DCP1A: variants seen among roughly 807,000 people sequenced by gnomAD.
DCP1A encodes the protein mRNA-decapping enzyme 1A.
A neutral mutation model predicts 58.0 loss-of-function variants in DCP1A; 20 were observed. The ratio of observed to expected loss-of-function variants is 0.34; its 90% CI spans 0.24 to 0.50. The LOEUF (loss-of-function observed/expected upper bound fraction) is 0.50, where lower values mean the gene tolerates loss of function less well. Among genes scored for constraint, DCP1A ranks in the 20% least tolerant of loss-of-function variants. The pLI, the probability that DCP1A is intolerant of heterozygous loss-of-function variation, is 0.98. For synonymous variants in DCP1A, 285 were observed against 275.1 expected (o/e 1.04, Z -0.36); for missense variants, 613 against 712.2 (o/e 0.86, Z 1.59).
chr3:53,308,219 G>GA (rs1245572967), intron 5 of DCP1A, among the ~76,000 whole-genome samples: 1 of 151,684 alleles, frequency 6.6e-6, no homozygotes, highest in African/African-American at 2.4e-5. Context: ...TTTAAAAAAA[G>GA]AAAAAACTTT....
chr3:53,315,684 C>T (rs1021868383), intron 4 of DCP1A, among the ~76,000 whole-genome samples: 1 of 150,692 alleles, frequency 6.6e-6, no homozygotes, highest in Admixed American at 6.6e-5. Context: ...TAGAAGCTCA[C>T]TCATTTTCCT....
chr3:53,319,477 G>A lies in DCP1A; in HGVS notation c.305-4C>T, dbSNP rs1553689666. On this transcript the variant is annotated splice_polypyrimidine_tract_variant and splice_region_variant and intron_variant, in intron 3 of 9. Transcript: ENST00000610213. ...AACCAGATACTATATATCGACACTTGAAAAACAAAGGGAAAAAAAGATAAG... is the reference window on the plus strand; with the variant it reads ...AACCAGATACTATATATCGACACTTAAAAAACAAAGGGAAAAAAAGATAAG... 1 of 1,538,914 alleles carries A rather than the reference G, an allele frequency of 6.5e-7. No homozygotes were observed. Among genetic ancestry groups the A allele is most frequent in the Admixed American group, 2.0e-5 (1 of 51,034 alleles).
chr3:53,334,392 G>A (rs1553691672), intron 3 of DCP1A, among the ~76,000 whole-genome samples: 1 of 152,112 alleles, frequency 6.6e-6, no homozygotes, highest in African/African-American at 2.4e-5. Context: ...GTTCTAAATT[G>A]ATTGATTTCT....
rs139259878 is a variant in DCP1A at position 53,301,121 on chromosome 3, C to T, written c.624+3056G>A. ...CCACTGCACACTCCTGGATGATGATCCTAAATCCAGATACAGTAAAAATGG... is the reference window on the plus strand; with the variant it reads ...CCACTGCACACTCCTGGATGATGATTCTAAATCCAGATACAGTAAAAATGG... On this transcript the variant is annotated intron_variant, in intron 6 of 9. Transcript: ENST00000610213. Among the ~76,000 whole-genome samples, 8 of 152,102 alleles carry T rather than the reference C, an allele frequency of 5.3e-5. No individual in the cohort carries two copies. In the East Asian group the frequency reaches 1.5e-3, roughly 29 times the overall value.
intron 2 of DCP1A, 33 bp from the exon 3 acceptor site, chr3:53,342,304 G>T: frequency 6.8e-7 from 1 of 1,480,170 alleles, no homozygotes; most frequent in Non-Finnish European, 9.3e-7. Context: ...AAAATATGTA[G>T]TTACCATTTA....
Position 53,290,882 on chromosome 3 carries a change from G to A in DCP1A, c.1384-26C>T, listed in dbSNP as rs781870558. 1.1e-5 allele frequency: 18 copies of A among 1,585,934 alleles called. No homozygotes were observed. In the African/African-American group the frequency reaches 2.3e-4, roughly 20 times the overall value. On this transcript the variant is annotated intron_variant, in intron 7 of 9. Coordinates refer to ENST00000610213, the MANE Select transcript of DCP1A (RefSeq NM_018403.7). ...CTGAAATGTTTATGAAGAAAAGACAGACGGATATAAGAAGTTTCAATTAAG... is the reference window on the plus strand; with the variant it reads ...CTGAAATGTTTATGAAGAAAAGACAAACGGATATAAGAAGTTTCAATTAAG...
chr3:53,326,986 C>G (rs1009525280), intron 3 of DCP1A, among the ~76,000 whole-genome samples: 67 of 151,272 alleles, frequency 4.4e-4, no homozygotes, highest in Non-Finnish European at 5.5e-4. Flanking sequence ...ACCCCCCCCC[C>G]CCAACTGGTA....
At chr3:53,305,352 T>TC (rs1707437933) in intron 5 of DCP1A, among the ~76,000 whole-genome samples, 1 of 152,072 alleles carries the variant, frequency 6.6e-6, no homozygotes, top group East Asian at 1.9e-4. Context: ...AAAATTTTTT[T>TC]TTCTTTTTTT....
At chr3:53,327,433 A>T (rs1433321844) in intron 3 of DCP1A, among the ~76,000 whole-genome samples, 5 of 152,234 alleles carry the variant, frequency 3.3e-5, no homozygotes, top group African/African-American at 1.2e-4. Flanking sequence ...TTAAGGATGT[A>T]TAAAATATGG....
chr3:53,342,837 G>A (rs2106900259), intron 2 of DCP1A, among the ~76,000 whole-genome samples: 2 of 152,250 alleles, frequency 1.3e-5, no homozygotes, highest in Middle Eastern at 3.4e-3. Context: ...CATGCAAATG[G>A]AGCTTTTGTC....
At chr3:53,326,568 C>T (rs1470096285) in intron 3 of DCP1A, among the ~76,000 whole-genome samples, 1 of 152,246 alleles carries the variant, frequency 6.6e-6, no homozygotes, top group Non-Finnish European at 1.5e-5. Context: ...AGCTCTGCTT[C>T]TTGTCAGATC....
intron 5 of DCP1A, among the ~76,000 whole-genome samples, chr3:53,307,795 T>C (rs1358127305): frequency 6.6e-6 from 1 of 152,232 alleles, no homozygotes; most frequent in Non-Finnish European, 1.5e-5. Flanking sequence ...AATAAAAAGT[T>C]AATGCTGTAC....
chr3:53,320,625 G>C (rs1454854181), intron 3 of DCP1A, among the ~76,000 whole-genome samples: 2 of 152,016 alleles, frequency 1.3e-5, no homozygotes, highest in African/African-American at 4.8e-5. Flanking sequence ...ACAGATCTTG[G>C]TGCCCTATAA....
chr3:53,292,759 T>C lies in DCP1A; in HGVS notation c.693A>G (p.Gln231=), dbSNP rs782675604. ...ELFGTSLPKE[Q]PAVVGLDSEE... is the part of the protein sequence containing the mutation. ...CTGAATCCAGACCCACAACTGCTGG[T>C]TGTTCCTTTGGCAAAGAGGTTCCAA... is the stretch of plus-strand genomic sequence containing the variant. Residue 231 remains glutamine, a synonymous_variant, in exon 7 of 10, where the codon CAA becomes CAG. Coordinates refer to ENST00000610213, the MANE Select transcript of DCP1A (RefSeq NM_018403.7). The C allele has an allele frequency of 3.1e-6, 5 of 1,613,734 alleles. No homozygotes were observed. The Admixed American group carries it at 6.7e-5, about 22-fold the overall frequency.
chr3:53,295,450 C>A (rs1434433909), intron 6 of DCP1A, among the ~76,000 whole-genome samples: 2 of 151,428 alleles, frequency 1.3e-5, no homozygotes, highest in Non-Finnish European at 3.0e-5. Flanking sequence ...TTATATGGTT[C>A]AATTTCTTCA....
chr3:53,329,269 CTAAAACT>C, intron 3 of DCP1A: 1 of 397,870 alleles, frequency 2.5e-6, no homozygotes, highest in Admixed American at 4.4e-5. Context: ...ATTTCTTCTA[CTAAAACT>C]TTCCATTTGG....
At chr3:53,320,706 C>T (rs1217852051) in intron 3 of DCP1A, among the ~76,000 whole-genome samples, 3 of 152,146 alleles carry the variant, frequency 2.0e-5, no homozygotes, top group Non-Finnish European at 2.9e-5. Flanking sequence ...TGACATCAGT[C>T]GAGATACAGA....
intron 1 of DCP1A, among the ~76,000 whole-genome samples, chr3:53,345,803 C>T (rs1262853924): frequency 6.6e-6 from 1 of 152,086 alleles, no homozygotes; most frequent in Non-Finnish European, 1.5e-5. Flanking sequence ...GATTCAGAGG[C>T]TTTTTCTTAC....
chr3:53,338,057 C>A, intron 3 of DCP1A: 1 of 362,918 alleles, frequency 2.8e-6, no homozygotes. Flanking sequence ...GCCCGAAAGA[C>A]CTACTCCCAA....
Sources: allele counts gnomAD v4.1 joint callset (sites outside exome capture counted in the v4.1 genomes callset), GRCh38; gene constraint gnomAD v4.1.1; transcripts MANE v1.5; gene names NCBI Gene and HGNC (gene_info 2026-07-23, HGNC 2026-07-21).